SLC5A1: variants seen among roughly 807,000 people sequenced by gnomAD.
SLC5A1 encodes the protein solute carrier family 5 member 1.
Under a neutral mutation model 73.5 loss-of-function variants are expected in SLC5A1, and 42 were observed. The observed-to-expected ratio is 0.57, with a 90% CI of 0.45 to 0.74. The LOEUF (loss-of-function observed/expected upper bound fraction) is 0.74. Ranked by LOEUF, SLC5A1 falls within the 30% of genes least tolerant of loss-of-function variation. The pLI, the probability that SLC5A1 is intolerant of heterozygous loss-of-function variation, is 0.00. For missense variants in SLC5A1, 634 were observed against 855.4 expected, an observed-to-expected ratio of 0.74 and a Z score of 3.23; for synonymous variants, 300 against 317.4, an observed-to-expected ratio of 0.95 and a Z score of 0.58.
intron 11 of SLC5A1, 46 bp from the exon 12 acceptor site, chr22:32,099,137 T>A: frequency 1.2e-6 from 1 of 812,694 alleles, no homozygotes; most frequent in Non-Finnish European, 2.0e-6. Flanking sequence ...TATATACTCA[T>A]GTAGAGCTAT....
chr22:32,109,885 A>G (rs2094053055), intron 14 of SLC5A1, 105 bp from the exon 15 acceptor site: 1 of 848,112 alleles, frequency 1.2e-6, no homozygotes, highest in Non-Finnish European at 1.9e-6. Context: ...ATTTTTGGGA[A>G]ATTTCTGCAG....
intron 14 of SLC5A1, among the ~76,000 whole-genome samples, chr22:32,109,068 G>A (rs1279131066): frequency 1.3e-5 from 2 of 152,152 alleles, no homozygotes; most frequent in Non-Finnish European, 2.9e-5. Flanking sequence ...AGCTACTAAG[G>A]AGACCGAGGT....
chr22:32,099,029 T>C (rs1314700093), intron 11 of SLC5A1, among the ~76,000 whole-genome samples, 154 bp from the exon 12 acceptor site: 1 of 136,874 alleles, frequency 7.3e-6, no homozygotes, highest in Non-Finnish European at 1.5e-5. Context: ...GAGCTTGCAG[T>C]GAGCGGAGAT....
At chr22:32,064,317 G>A (rs974184570) in intron 2 of SLC5A1, among the ~76,000 whole-genome samples, 5 of 151,760 alleles carry the variant, frequency 3.3e-5, no homozygotes, top group South Asian at 2.1e-4. Flanking sequence ...GTAACATGGC[G>A]AACCCCCGTC....
chr22:32,102,456 A>G (rs1453174390), intron 13 of SLC5A1, among the ~76,000 whole-genome samples: 1 of 152,100 alleles, frequency 6.6e-6, no homozygotes, highest in Non-Finnish European at 1.5e-5. Flanking sequence ...TGTTAGGAAC[A>G]TTCCAATTCC....
At chr22:32,060,807 T>A (rs2149486042) in intron 2 of SLC5A1, among the ~76,000 whole-genome samples, 1 of 152,194 alleles carries the variant, frequency 6.6e-6, no homozygotes, top group Non-Finnish European at 1.5e-5. Context: ...TGGCCTCAAG[T>A]GGTCCTCTCA....
At chr22:32,046,801 A>C (rs1384928945) in intron 1 of SLC5A1, among the ~76,000 whole-genome samples, 2 of 152,232 alleles carry the variant, frequency 1.3e-5, no homozygotes, top group Admixed American at 1.3e-4. Context: ...ATTGTGGGTC[A>C]GTAATTGTCC....
intron 14 of SLC5A1, 132 bp downstream of exon 14, chr22:32,105,023 G>T: frequency 2.7e-6 from 2 of 728,624 alleles, no homozygotes; most frequent in South Asian, 3.0e-5. Context: ...GAGGAGTAGG[G>T]TGGGGATGAG....
At chr22:32,083,223 G>T in intron 7 of SLC5A1, 69 bp downstream of exon 7, 1 of 1,307,286 alleles carries the variant, frequency 7.6e-7, no homozygotes, top group Non-Finnish European at 1.1e-6. Context: ...AGGAAGGCAA[G>T]TCCAGCCTCT....
Position 32,112,791 on chromosome 22 carries a change from A to G in SLC5A1, c.*2578A>G, listed in dbSNP as rs1269619812. 2.0e-5 allele frequency: 3 copies of G among 152,204 alleles called. No individual in the cohort carries two copies. The highest frequency in any genetic ancestry group is 4.4e-5 in the Non-Finnish European group (3 of 68,042). 9.4% of individuals were successfully genotyped at this position (152,204 alleles called of 1,614,324 possible). On this transcript the variant is annotated 3_prime_UTR_variant, in exon 15 of 15. Transcript: ENST00000266088. ...TACAAAGGTTTAGTTAGGTGGAATAAGTTCAGAAAATCAATTGTACAATGT... is the reference window on the plus strand; with the variant it reads ...TACAAAGGTTTAGTTAGGTGGAATAGGTTCAGAAAATCAATTGTACAATGT...
At chr22:32,091,504 C>A in intron 10 of SLC5A1, 108 bp from the exon 11 acceptor site, 2 of 1,259,960 alleles carry the variant, frequency 1.6e-6, no homozygotes, top group Non-Finnish European at 2.3e-6. Flanking sequence ...AATTGGATAA[C>A]ATGGCATGGT....
intron 10 of SLC5A1, 113 bp downstream of exon 10, chr22:32,086,440 G>A (rs1005979517): frequency 3.9e-6 from 3 of 774,492 alleles, no homozygotes; most frequent in Non-Finnish European, 6.9e-6. Flanking sequence ...TAGCCGGGGG[G>A]TTAGAAGGGA....
chr22:32,053,539 T>C (rs1336988641), intron 2 of SLC5A1, among the ~76,000 whole-genome samples: 1 of 152,172 alleles, frequency 6.6e-6, no homozygotes, highest in East Asian at 1.9e-4. Flanking sequence ...GTATTCTTGG[T>C]GTTTCTAGGC....
chr22:32,063,151 TTATCTCCCTAAAAGCCC>T (rs1422553575), intron 2 of SLC5A1, among the ~76,000 whole-genome samples: 2 of 152,252 alleles, frequency 1.3e-5, no homozygotes, highest in African/African-American at 4.8e-5. Context: ...TTTAACCTTA[TTATCTCCCTAAAAGCCC>T]TATCTCCAAA....
chr22:32,063,421 G>C (rs2093966917), intron 2 of SLC5A1, among the ~76,000 whole-genome samples: 1 of 152,208 alleles, frequency 6.6e-6, no homozygotes, highest in Admixed American at 6.5e-5. Flanking sequence ...GAGGCTTGCA[G>C]ATGTTCTAAT....
chr22:32,096,247 A>G (rs780572931), intron 11 of SLC5A1, among the ~76,000 whole-genome samples: 27 of 152,300 alleles, frequency 1.8e-4, no homozygotes, highest in Non-Finnish European at 2.5e-4. Flanking sequence ...TCATTGAACA[A>G]TGCCCCTCTG....
chr22:32,059,630 G>C (rs758357077), intron 2 of SLC5A1, among the ~76,000 whole-genome samples: 1 of 151,894 alleles, frequency 6.6e-6, no homozygotes, highest in Non-Finnish European at 1.5e-5. Context: ...AGAGAGTCTG[G>C]AGTGCCTGTA....
rs1401884478 is a variant in SLC5A1, at chr22:32,083,160, T to C, written c.664+6T>C. The stretch of plus-strand genomic sequence containing the variant: ...TTTAATCCTGACTGGGTTTGGTAAG[T>C]GGGGCCAGGGCAGGCTGAGGAGGTG... On this transcript the variant is annotated splice_donor_region_variant and intron_variant, in intron 7 of 14. Transcript: ENST00000266088. 5 of 1,613,158 alleles carry C rather than the reference T, an allele frequency of 3.1e-6. No individual in the cohort carries two copies. Among genetic ancestry groups the C allele is most frequent in the Non-Finnish European group, 4.2e-6 (5 of 1,179,438 alleles).
At chr22:32,098,039 T>C (rs1243950996) in intron 11 of SLC5A1, among the ~76,000 whole-genome samples, 3 of 152,156 alleles carry the variant, frequency 2.0e-5, no homozygotes, top group Non-Finnish European at 4.4e-5. Context: ...ATTCAAAAGA[T>C]TGATATCAAA....
Sources: gnomAD v4.1 joint callset for allele counts (sites outside exome capture counted in the v4.1 genomes callset) on GRCh38, gnomAD v4.1.1 for gene constraint, MANE v1.5 for transcripts, NCBI Gene and HGNC (gene_info 2026-07-23, HGNC 2026-07-21) for gene names.